ISX: variants seen among roughly 807,000 people sequenced by gnomAD.
ISX encodes the protein intestine-specific homeobox.
Under a neutral mutation model 16.9 loss-of-function variants are expected in ISX, and 15 were observed. The ratio of observed to expected loss-of-function variants is 0.89; its 90% CI spans 0.59 to 1.36. ISX has a LOEUF of 1.36. Among genes scored for constraint, ISX ranks in the 40% most tolerant of loss-of-function variants. ISX has a pLI of 0.00. For synonymous variants in ISX, 125 were observed against 119.7 expected (o/e 1.04, Z -0.29); for missense variants, 316 against 306.1 (o/e 1.03, Z -0.24).
chr22:35,082,773 T>G, intron 3 of ISX, 104 bp downstream of exon 3: 1 of 1,227,038 alleles, frequency 8.1e-7, no homozygotes, highest in Non-Finnish European at 1.1e-6. Context: ...TAAAAGTTTC[T>G]GTTGGCTTTA....
Position 35,067,156 on chromosome 22 carries a change from C to T in ISX, c.69C>T (p.Ala23=). The T allele has an allele frequency of 1.2e-6, 2 of 1,613,660 alleles. No homozygotes were observed. The highest frequency in any genetic ancestry group is 1.1e-5 in the South Asian group (1 of 91,000). ...GAAATAGCTTGGGGTGCTGTGAGGC[C>T]CCGAAGAAGCTGAGCCTGTCCTTCT... is the stretch of plus-strand genomic sequence containing the variant. The part of the protein sequence containing the change: ...MERNSLGCCE[A]PKKLSLSFSI... Residue 23 remains alanine (A), a synonymous_variant, in exon 2 of 5, where the codon GCC becomes GCT. Transcript: ENST00000404699.
intron 4 of ISX, 88 bp downstream of exon 4, chr22:35,084,587 G>A (rs1929203231): frequency 6.1e-6 from 5 of 816,208 alleles, no homozygotes; most frequent in Non-Finnish European, 9.9e-6. Flanking sequence ...AGCACCTCGG[G>A]GGCTCTGTCT....
chr22:35,074,633 G>A lies in ISX; in HGVS notation c.229+7317G>A, dbSNP rs570554144. Among the ~76,000 whole-genome samples, 10 of 152,220 alleles carry A rather than the reference G, an allele frequency of 6.6e-5. No homozygotes were observed. The South Asian group carries it at 1.7e-3, about 25-fold the overall frequency. ...ATTCTGCACTTTTGCCACCTTGGTC[G>A]GCCTTCTGTAGGTATTTAAGTAAAG... is the stretch of plus-strand genomic sequence containing the variant. On this transcript the variant is annotated intron_variant, in intron 2 of 4. Transcript: ENST00000404699.
intron 2 of ISX, among the ~76,000 whole-genome samples, chr22:35,080,097 C>T (rs1023085436): frequency 2.0e-5 from 3 of 152,222 alleles, no homozygotes; most frequent in Non-Finnish European, 4.4e-5. Context: ...TCTTTCAGTC[C>T]TCACTTTCCT....
chr22:35,067,975 G>C (rs1928748316), intron 2 of ISX, among the ~76,000 whole-genome samples: 12 of 152,208 alleles, frequency 7.9e-5, no homozygotes, highest in Admixed American at 7.9e-4. Flanking sequence ...CTTGAGGAAG[G>C]GAGGAAAGCC....
chr22:35,068,827 A>G (rs1041122387), intron 2 of ISX, among the ~76,000 whole-genome samples: 5 of 152,158 alleles, frequency 3.3e-5, no homozygotes, highest in Admixed American at 6.5e-5. Flanking sequence ...TTTTGTGGCC[A>G]TTTTCCCATC....
rs915621473 is a variant in ISX, at chr22:35,068,432, C to T, written c.229+1116C>T. ...CTGTGTGTCTGCAGGCAGGAAGGAG[C>T]CTGGTGTGTTTCCCTATAGCTGAGT... On this transcript the variant is annotated intron_variant, in intron 2 of 4. Coordinates refer to ENST00000404699, the MANE Select transcript of ISX (RefSeq NM_001303508.2). Among the ~76,000 whole-genome samples, 17 of 152,272 alleles carry T rather than the reference C, an allele frequency of 1.1e-4. 1 individual carries two copies. The highest frequency in any genetic ancestry group is 4.1e-4 in the African/African-American group (17 of 41,542).
At position 35,085,357 on chromosome 22, in the gene ISX, A is replaced by G. The variant is rs1003362366; in HGVS notation, c.499-97A>G. The stretch of plus-strand genomic sequence containing the variant: ...CAAACCAGAACAAGTGGATCACACT[A>G]CCCACTCTTAGCTGCCCAAGCCATG... On this transcript the variant is annotated intron_variant, in intron 4 of 4. Coordinates refer to ENST00000404699, the MANE Select transcript of ISX (RefSeq NM_001303508.2). 3.5e-6 allele frequency: 5 copies of G among 1,438,926 alleles called. No homozygotes were observed. The South Asian group carries it at 6.1e-5, about 18-fold the overall frequency. 89.1% of individuals were successfully genotyped at this position (1,438,926 alleles called of 1,614,324 possible).
At chr22:35,067,378 C>A in intron 2 of ISX, 62 bp downstream of exon 2, 1 of 1,212,848 alleles carries the variant, frequency 8.2e-7, no homozygotes, top group Non-Finnish European at 1.2e-6. Context: ...TGGGCTCAGG[C>A]AGAGAAAAAG....
At chr22:35,067,869 T>C (rs970612082) in intron 2 of ISX, among the ~76,000 whole-genome samples, 4 of 152,124 alleles carry the variant, frequency 2.6e-5, no homozygotes, top group African/African-American at 9.7e-5. Context: ...AGCTTTGGCT[T>C]GGGAAAAGTC....
rs974365825 is a variant in ISX, at chr22:35,066,163, G to C, written c.-636G>C. On this transcript the variant is annotated 5_prime_UTR_variant, in exon 1 of 5. Coordinates refer to ENST00000404699, the MANE Select transcript of ISX (RefSeq NM_001303508.2). ...ATCAACAACTGTCAGCTCCCAGTCA[G>C]AGAGAAAGGGCCTCTTCAGTCTGTC... 1.9e-4 allele frequency: 29 copies of C among 152,324 alleles called. No homozygotes were observed. The highest frequency in any genetic ancestry group is 7.0e-4 in the African/African-American group (29 of 41,456). The allele number at this position is 152,324 out of a possible 1,614,324, so 9.4% of individuals were successfully genotyped here.
In ISX at chr22:35,082,550, A is replaced by G. The variant is rs1274538054; in HGVS notation, c.262A>G (p.Thr88Ala). Residue 88 changes from threonine to alanine, a missense_variant, in exon 3 of 5, where the codon ACC becomes GCC. Thr to Ala is a moderately conservative substitution (Grantham distance 58). Transcript: ENST00000404699. Reference sequence around the variant, plus strand: ...GAAGAGCAAGCGGAGGGTTCGTACCACCTTCACCACTGAGCAGCTGCATGA... The same window carrying G: ...GAAGAGCAAGCGGAGGGTTCGTACCGCCTTCACCACTGAGCAGCTGCATGA... ...GRKSKRRVRT[T>A]FTTEQLHELE... The G allele has an allele frequency of 6.2e-7, 1 of 1,614,146 alleles. No homozygotes were observed. Among genetic ancestry groups the G allele is most frequent in the Non-Finnish European group, 8.5e-7 (1 of 1,180,004 alleles).
At chr22:35,081,948 T>A (rs1431557978) in intron 2 of ISX, among the ~76,000 whole-genome samples, 1 of 152,142 alleles carries the variant, frequency 6.6e-6, no homozygotes, top group Admixed American at 6.5e-5. Flanking sequence ...GCTGGACAGG[T>A]GAGTTGGAGA....
intron 2 of ISX, among the ~76,000 whole-genome samples, chr22:35,069,032 G>C (rs1176602717): frequency 6.6e-6 from 1 of 152,168 alleles, no homozygotes; most frequent in African/African-American, 2.4e-5. Context: ...ATTTCTGAAA[G>C]CTTGGAGAGG....
At chr22:35,081,128 T>C (rs768565012) in intron 2 of ISX, among the ~76,000 whole-genome samples, 2 of 152,226 alleles carry the variant, frequency 1.3e-5, no homozygotes, top group Non-Finnish European at 2.9e-5. Flanking sequence ...GATTAGGAAA[T>C]AATTTTTGGA....
At chr22:35,068,804 C>T (rs1158139706) in intron 2 of ISX, among the ~76,000 whole-genome samples, 1 of 152,212 alleles carries the variant, frequency 6.6e-6, no homozygotes, top group Non-Finnish European at 1.5e-5. Context: ...GTGGTATATT[C>T]CTTCCACAGC....
At position 35,086,070 on chromosome 22, in the gene ISX, T is replaced by C. The variant is rs1191046446; in HGVS notation, c.*377T>C. On this transcript the variant is annotated 3_prime_UTR_variant, in exon 5 of 5. Coordinates refer to ENST00000404699, the MANE Select transcript of ISX (RefSeq NM_001303508.2). ...TGTAAGAGGAGCCAGCTGGATAAGA[T>C]GATTTCTGAAGACGCTTCCATGGTG... 4 of 312,234 alleles carry C rather than the reference T, an allele frequency of 1.3e-5. No individual in the cohort carries two copies. The Admixed American group carries it at 1.8e-4, about 14-fold the overall frequency. 19.3% of individuals were successfully genotyped at this position (312,234 alleles called of 1,614,324 possible).
chr22:35,081,202 A>T (rs1455962198), intron 2 of ISX, among the ~76,000 whole-genome samples: 1 of 152,270 alleles, frequency 6.6e-6, no homozygotes, highest in East Asian at 1.9e-4. Flanking sequence ...ACAAGAGAGA[A>T]GAGGTGATCC....
At chr22:35,069,652 T>C (rs965633472) in intron 2 of ISX, among the ~76,000 whole-genome samples, 4 of 152,144 alleles carry the variant, frequency 2.6e-5, no homozygotes, top group African/African-American at 9.7e-5. Context: ...GGAAGGCCTC[T>C]CCCTACCCTC....
Sources: gnomAD v4.1 joint callset for allele counts (sites outside exome capture counted in the v4.1 genomes callset) on GRCh38, gnomAD v4.1.1 for gene constraint, MANE v1.5 for transcripts, NCBI Gene and HGNC (gene_info 2026-07-23, HGNC 2026-07-21) for gene names.